The following ITGAM variants were observed in gnomAD, a reference collection of about 807,000 sequenced individuals.
ITGAM encodes integrin subunit alpha M.
A neutral mutation model predicts 137.5 loss-of-function variants in ITGAM; 79 were observed. That is an observed-to-expected ratio of 0.57 (90% CI 0.48 to 0.69). The LOEUF (loss-of-function observed/expected upper bound fraction) is 0.69, where lower values mean the gene tolerates loss of function less well. Among genes scored for constraint, ITGAM ranks in the 30% least tolerant of loss-of-function variants. ITGAM has a pLI of 0.00. For synonymous variants in ITGAM, 583 were observed against 592.3 expected (o/e 0.98, Z 0.23); for missense variants, 1,343 against 1,483.5 (o/e 0.91, Z 1.56).
intron 12 of ITGAM, among the ~76,000 whole-genome samples, chr16:31,283,671 C>T (rs544921865): frequency 6.6e-6 from 1 of 152,322 alleles, no homozygotes; most frequent in Admixed American, 6.5e-5. Flanking sequence ...TGAACATCCT[C>T]CTTTAGCTCG....
intron 12 of ITGAM, among the ~76,000 whole-genome samples, chr16:31,282,291 G>A (rs529078858): frequency 5.6e-4 from 85 of 152,194 alleles, no homozygotes; most frequent in African/African-American, 1.9e-3. Context: ...TTTCTGTCTC[G>A]TTGATCTGTC....
chr16:31,288,747 A>T (rs563673827), intron 12 of ITGAM, among the ~76,000 whole-genome samples: 2 of 152,334 alleles, frequency 1.3e-5, no homozygotes, highest in African/African-American at 4.8e-5. Context: ...CAAAAGCCAA[A>T]ATTGACAAAT....
intron 16 of ITGAM, among the ~76,000 whole-genome samples, chr16:31,323,956 T>G (rs970279488): frequency 6.6e-6 from 1 of 151,814 alleles, no homozygotes; most frequent in African/African-American, 2.4e-5. Flanking sequence ...GAGGTTGCAG[T>G]GAGCTGAGAT....
intron 14 of ITGAM, among the ~76,000 whole-genome samples, chr16:31,305,517 G>A (rs867273636): frequency 6.6e-6 from 1 of 152,112 alleles, no homozygotes; most frequent in African/African-American, 2.4e-5. Context: ...CTGAAAGTGG[G>A]CATTCTTGTC....
rs371102326 is a variant in ITGAM at position 31,321,593 on chromosome 16, T to A, written c.1968T>A (p.His656Gln). 2.8e-5 allele frequency: 45 copies of A among 1,613,828 alleles called. No individual in the cohort carries two copies. Among genetic ancestry groups the A allele is most frequent in the Non-Finnish European group, 3.7e-5 (44 of 1,179,894 alleles). ...KEAGEVRVCL[H>Q]VQKSTRDRLR... ...CCGGAGAGGTCAGAGTCTGCCTCCATGTCCAGAAGAGCACACGGGATCGGC... is the reference window on the plus strand; with the variant it reads ...CCGGAGAGGTCAGAGTCTGCCTCCAAGTCCAGAAGAGCACACGGGATCGGC... The change falls in exon 16 of 30, where the codon CAT becomes CAA. Residue 656 changes from histidine to glutamine, a missense_variant. By Grantham distance (24) the His-to-Gln change is conservative (BLOSUM62 0). Transcript: ENST00000544665.
intron 12 of ITGAM, among the ~76,000 whole-genome samples, chr16:31,295,203 A>G (rs2080121798): frequency 1.3e-5 from 2 of 152,102 alleles, no homozygotes; most frequent in South Asian, 4.1e-4. Flanking sequence ...TGCTTTGGCT[A>G]TTTAGGGTCT....
At chr16:31,270,709 A>G (rs1351959623) in intron 5 of ITGAM, among the ~76,000 whole-genome samples, 1,796 of 88,480 alleles carry the variant, frequency 0.02, 98 homozygotes, top group African/African-American at 0.081. Context: ...GTATATATAT[A>G]TATATATATA....
chr16:31,315,920 C>T (rs182457087), intron 14 of ITGAM, among the ~76,000 whole-genome samples: 56 of 151,712 alleles, frequency 3.7e-4, no homozygotes, highest in African/African-American at 9.7e-4. Flanking sequence ...GTTGGCCGGG[C>T]GCGGTGGCTC....
At chr16:31,273,721 G>C in intron 8 of ITGAM, 2 of 488,880 alleles carry the variant, frequency 4.1e-6, no homozygotes, top group Admixed American at 7.5e-5. Flanking sequence ...TAATAAGTAA[G>C]CCTGTGGGTC....
chr16:31,283,057 T>C (rs937696152), intron 12 of ITGAM, among the ~76,000 whole-genome samples: 1 of 152,198 alleles, frequency 6.6e-6, no homozygotes, highest in Non-Finnish European at 1.5e-5. Flanking sequence ...CCCACTCTCT[T>C]CTGGCTTGTA....
intron 14 of ITGAM, 125 bp downstream of exon 14, chr16:31,298,079 A>G (rs1597009178): frequency 2.4e-6 from 2 of 819,272 alleles, no homozygotes; most frequent in East Asian, 5.4e-5. Context: ...CAAAAATAAT[A>G]ACATGTGGCT....
chr16:31,276,545 T>C (rs1389244798), intron 9 of ITGAM, 126 bp from the exon 10 acceptor site: 1 of 656,710 alleles, frequency 1.5e-6, no homozygotes, highest in African/African-American at 1.8e-5. Context: ...TTCACCAGAC[T>C]GGTCTCTAAC....
chr16:31,310,951 A>G (rs2080322552), intron 14 of ITGAM, among the ~76,000 whole-genome samples: 1 of 152,182 alleles, frequency 6.6e-6, no homozygotes, highest in African/African-American at 2.4e-5. Flanking sequence ...GACCAATGGA[A>G]CAGAACTGAG....
Position 31,330,543 on chromosome 16 carries a change from A to T in ITGAM, c.3214A>T (p.Ile1072Phe). Residue 1072 changes from isoleucine (I) to phenylalanine (F), a missense_variant, in exon 28 of 30, where the codon ATC (isoleucine) becomes TTC (phenylalanine). Ile to Phe is a conservative substitution (Grantham distance 21). Coordinates refer to ENST00000544665, the MANE Select transcript of ITGAM (RefSeq NM_000632.4). ...NHLLIVSTAE[I>F]LFNDSVFTLL... Reference sequence around the variant, plus strand: ...CCTCCTGATCGTGAGCACAGCTGAGATCTTGTTTAACGATTCCGTGTTCAC... The same window carrying T: ...CCTCCTGATCGTGAGCACAGCTGAGTTCTTGTTTAACGATTCCGTGTTCAC... 6.2e-7 allele frequency: 1 copy of T among 1,613,682 alleles called. No homozygotes were observed. Among genetic ancestry groups the T allele is most frequent in the Non-Finnish European group, 8.5e-7 (1 of 1,179,674 alleles).
At chr16:31,275,859 TC>T (rs987384525) in intron 9 of ITGAM, among the ~76,000 whole-genome samples, 160 bp downstream of exon 9, 1 of 152,132 alleles carries the variant, frequency 6.6e-6, no homozygotes, top group African/African-American at 2.4e-5. Context: ...CTTGGTCAAT[TC>T]CTTTGAAGTC....
rs758743955 is a variant in ITGAM at position 31,330,339 on chromosome 16, A to G, written c.3092A>G (p.Gln1031Arg). Residue 1031 changes from glutamine (Q) to arginine (R), a missense_variant, in exon 27 of 30, where the codon CAG becomes CGG. By Grantham distance (43) the Gln-to-Arg change is conservative. Coordinates refer to ENST00000544665, the MANE Select transcript of ITGAM (RefSeq NM_000632.4). ...TCCATCGCTGTCTGCCAGAGAATCC[A>G]GTGTGACATCCCGTTCTTTGGCATC... is the stretch of plus-strand genomic sequence containing the variant. ...NCSIAVCQRIQCDIPFFGIQE... is the reference protein window; with the variant it reads ...NCSIAVCQRIRCDIPFFGIQE... 1 of 1,613,962 alleles carries G rather than the reference A, an allele frequency of 6.2e-7. No individual in the cohort carries two copies. Among genetic ancestry groups the G allele is most frequent in the Non-Finnish European group, 8.5e-7 (1 of 1,179,842 alleles).
chr16:31,282,275 G>T (rs1414377962), intron 12 of ITGAM, among the ~76,000 whole-genome samples: 1 of 152,094 alleles, frequency 6.6e-6, no homozygotes, highest in African/African-American at 2.4e-5. Flanking sequence ...GGATATCCTT[G>T]TTAACTTTCT....
In ITGAM at chr16:31,302,958, TTC is replaced by T. The variant is rs1490660434; in HGVS notation, c.1707+5006_1707+5007del. ...TTTCTTTCTTTCTTTCTTTCTTTCT[TTC>T]TTTCTTTCTTTCTTTCTTTCTTTCT... is the stretch of plus-strand genomic sequence containing the variant. On this transcript the variant is annotated intron_variant, in intron 14 of 29. Coordinates refer to ENST00000544665, the MANE Select transcript of ITGAM (RefSeq NM_000632.4). Among the ~76,000 whole-genome samples, 4 of 137,808 alleles carry T rather than the reference TTC, an allele frequency of 2.9e-5. No homozygotes were observed. In the East Asian group the frequency reaches 6.7e-4, roughly 23 times the overall value. The allele number at this position is 137,808 out of a possible 152,430, so 90.4% of individuals were successfully genotyped here. A position where few individuals can be genotyped will look rare whatever the true frequency, so the allele number is the denominator to read the frequency against.
intron 12 of ITGAM, among the ~76,000 whole-genome samples, chr16:31,281,052 A>G (rs1256923123): frequency 6.6e-6 from 1 of 152,204 alleles, no homozygotes; most frequent in Non-Finnish European, 1.5e-5. Context: ...CCAGCCTTGC[A>G]TCCCAGGGAT....
Sources: allele counts gnomAD v4.1 joint callset (sites outside exome capture counted in the v4.1 genomes callset), GRCh38; gene constraint gnomAD v4.1.1; transcripts MANE v1.5; gene names NCBI Gene and HGNC (gene_info 2026-07-23, HGNC 2026-07-21).